Variants in RBFOX1 observed in about 807,000 individuals in gnomAD.
The protein encoded by RBFOX1 is RNA binding protein fox-1 homolog 1.
A neutral mutation model predicts 57.7 loss-of-function variants in RBFOX1; 8 were observed. The ratio of observed to expected loss-of-function variants is 0.14; its 90% confidence interval spans 0.08 to 0.25. The LOEUF is 0.25. RBFOX1 is among the 10% of genes least tolerant of loss of function. The pLI, the probability that RBFOX1 is intolerant of heterozygous loss-of-function variation, is 1.00. For missense variants in RBFOX1, 611 were observed against 548.5 expected (o/e 1.11, Z -1.14); for synonymous variants, 326 against 222.4 (o/e 1.47, Z -4.15).
intron 3 of RBFOX1, among the ~76,000 whole-genome samples, chr16:5,612,528 A>G (rs984267666): frequency 1.6e-4 from 24 of 152,266 alleles, no homozygotes; most frequent in African/African-American, 5.8e-4. Context: ...CACAAGGTAG[A>G]TAATGGCTCT....
At chr16:6,095,855 CAGTT>C (rs2096239534) in intron 1 of RBFOX1, among the ~76,000 whole-genome samples, 1 of 152,160 alleles carries the variant, frequency 6.6e-6, no homozygotes, top group South Asian at 2.1e-4. Flanking sequence ...GGTAGGCCCA[CAGTT>C]AGTGAGAGAG....
At chr16:5,320,937 G>C (rs982016579) in intron 1 of RBFOX1, among the ~76,000 whole-genome samples, 7 of 152,202 alleles carry the variant, frequency 4.6e-5, no homozygotes, top group Non-Finnish European at 8.8e-5. Context: ...GACCCTGGCT[G>C]TGGGCTGCCC....
chr16:7,695,606 T>C (rs867898048), intron 14 of RBFOX1, among the ~76,000 whole-genome samples: 1 of 141,220 alleles, frequency 7.1e-6, no homozygotes. Flanking sequence ...GAGCAGAGAC[T>C]GCGCCACTGC....
intron 4 of RBFOX1, among the ~76,000 whole-genome samples, chr16:7,365,126 C>T (rs770728584): frequency 1.3e-5 from 2 of 152,136 alleles, no homozygotes; most frequent in East Asian, 1.9e-4. Flanking sequence ...CCATATACAA[C>T]CTCATGATGG....
intron 4 of RBFOX1, among the ~76,000 whole-genome samples, chr16:7,431,680 A>G (rs1306480006): frequency 6.6e-6 from 1 of 152,226 alleles, no homozygotes; most frequent in Admixed American, 6.5e-5. Flanking sequence ...GGAACCCCAT[A>G]TCCATTAAGC....
chr16:5,292,900 C>T (rs4786020), intron 1 of RBFOX1, among the ~76,000 whole-genome samples: 2 of 152,106 alleles, frequency 1.3e-5, no homozygotes, highest in African/African-American at 4.8e-5. Flanking sequence ...TGGGATTACA[C>T]GTGTGAGCCA....
At chr16:7,115,615 G>C (rs942085038) in intron 4 of RBFOX1, among the ~76,000 whole-genome samples, 1 of 152,196 alleles carries the variant, frequency 6.6e-6, no homozygotes, top group Non-Finnish European at 1.5e-5. Context: ...CTCTGGAAAG[G>C]TGTCTTGGGA....
intron 1 of RBFOX1, among the ~76,000 whole-genome samples, chr16:6,247,151 A>G (rs2152937136): frequency 6.6e-6 from 1 of 152,352 alleles, no homozygotes; most frequent in South Asian, 2.1e-4. Context: ...CAGAAATGAT[A>G]TAGCTACTAT....
intron 2 of RBFOX1, among the ~76,000 whole-genome samples, chr16:6,467,024 A>G (rs954076985): frequency 2.6e-4 from 40 of 151,234 alleles, no homozygotes; most frequent in African/African-American, 9.2e-4. Context: ...AATAAAGTTT[A>G]TTTAATATAT....
chr16:6,988,658 T>TGCCTCA (rs1022967063), intron 3 of RBFOX1, among the ~76,000 whole-genome samples: 10 of 151,932 alleles, frequency 6.6e-5, no homozygotes, highest in Middle Eastern at 3.4e-3. Flanking sequence ...CTACAACCTC[T>TGCCTCA]GCCTCAGCCT....
intron 4 of RBFOX1, among the ~76,000 whole-genome samples, chr16:7,444,555 C>G (rs1028188469): frequency 1.3e-5 from 2 of 151,742 alleles, no homozygotes; most frequent in African/African-American, 4.8e-5. Context: ...TTTTTTGAGA[C>G]AGGGTTTTGC....
At chr16:7,257,302 C>T (rs528696494) in intron 4 of RBFOX1, among the ~76,000 whole-genome samples, 5 of 152,168 alleles carry the variant, frequency 3.3e-5, no homozygotes, top group Admixed American at 1.3e-4. Context: ...AGAACCCACA[C>T]GCTTCCTGTG....
intron 10 of RBFOX1, among the ~76,000 whole-genome samples, chr16:7,608,135 A>G (rs572380657): frequency 6.6e-6 from 1 of 152,244 alleles, no homozygotes; most frequent in Non-Finnish European, 1.5e-5. Flanking sequence ...TCTTTCTTTG[A>G]TGTGGCTCTT....
chr16:7,373,245 C>G (rs1230234601), intron 4 of RBFOX1, among the ~76,000 whole-genome samples: 1 of 152,094 alleles, frequency 6.6e-6, no homozygotes, highest in East Asian at 1.9e-4. Context: ...AATTGCATTA[C>G]TTTTAATTCT....
At chr16:5,677,212 A>T (rs2050194471) in intron 3 of RBFOX1, among the ~76,000 whole-genome samples, 1 of 152,212 alleles carries the variant, frequency 6.6e-6, no homozygotes. Flanking sequence ...AAGACCAGAG[A>T]TACCAATTCT....
chr16:7,541,297 AC>A (rs1795771238), intron 5 of RBFOX1, among the ~76,000 whole-genome samples: 1 of 152,140 alleles, frequency 6.6e-6, no homozygotes, highest in South Asian at 2.1e-4. Context: ...GTGAGTGTCT[AC>A]CCTTTGTTGG....
At chr16:6,530,490 A>G (rs1599009388) in intron 2 of RBFOX1, among the ~76,000 whole-genome samples, 1 of 152,138 alleles carries the variant, frequency 6.6e-6, no homozygotes, top group Non-Finnish European at 1.5e-5. Context: ...CTTTCTCACG[A>G]TGCATAACTA....
At chr16:7,017,474 C>G (rs928663593) in intron 3 of RBFOX1, among the ~76,000 whole-genome samples, 1 of 152,176 alleles carries the variant, frequency 6.6e-6, no homozygotes, top group African/African-American at 2.4e-5. Context: ...CGCGCGCACA[C>G]ATGCTTGTAA....
At chr16:5,464,647 C>T (rs2068897937) in intron 1 of RBFOX1, among the ~76,000 whole-genome samples, 1 of 152,162 alleles carries the variant, frequency 6.6e-6, no homozygotes, top group Non-Finnish European at 1.5e-5. Context: ...CACGAGAGGC[C>T]TCCTCTGTTT....
Sources: allele counts gnomAD v4.1 joint callset (sites outside exome capture counted in the v4.1 genomes callset), GRCh38; gene constraint gnomAD v4.1.1; transcripts MANE v1.5; gene names NCBI Gene and HGNC (gene_info 2026-07-23, HGNC 2026-07-21).